Variants in MYH9 observed in about 807,000 individuals in gnomAD.
The protein encoded by MYH9 is myosin heavy chain 9, also known as myosin-9.
In MYH9, 29 loss-of-function variants were observed where a neutral mutation model predicts 241.9. The ratio of observed to expected loss-of-function variants is 0.12; its 90% confidence interval spans 0.09 to 0.16. MYH9 has a LOEUF of 0.16. Among genes scored for constraint, MYH9 ranks in the 10% least tolerant of loss-of-function variants. MYH9 has a pLI of 1.00. For synonymous variants in MYH9, 1,047 were observed against 1,062.6 expected (o/e 0.99, Z 0.29); for missense variants, 1,803 against 2,595.5 (o/e 0.69, Z 6.63).
intron 2 of MYH9, among the ~76,000 whole-genome samples, chr22:36,347,972 C>G (rs552532163): frequency 6.7e-6 from 1 of 150,106 alleles, no homozygotes; most frequent in Non-Finnish European, 1.5e-5. Flanking sequence ...GTGCAAAAAG[C>G]TTATTGGAAA....
chr22:36,284,351 C>T (rs1452158576), intron 39 of MYH9, 52 bp downstream of exon 39: 13 of 1,606,796 alleles, frequency 8.1e-6, no homozygotes, highest in Non-Finnish European at 1.1e-5. Flanking sequence ...CCTGTCACCC[C>T]ATCTGCTGCC....
At chr22:36,384,639 T>A (rs1466726348) in intron 1 of MYH9, among the ~76,000 whole-genome samples, 1 of 95,188 alleles carries the variant, frequency 1.1e-5, no homozygotes, top group Non-Finnish European at 2.0e-5. Context: ...TATATATATA[T>A]ATATATATAT....
At chr22:36,297,047 G>C (rs1379288191) in intron 24 of MYH9, 33 bp from the exon 25 acceptor site, 18 of 1,610,200 alleles carry the variant, frequency 1.1e-5, no homozygotes, top group African/African-American at 2.7e-5. Context: ...ATAGCCCTCA[G>C]TGCCATGGGT....
intron 1 of MYH9, among the ~76,000 whole-genome samples, chr22:36,353,120 T>C (rs1302726246): frequency 6.4e-5 from 7 of 110,236 alleles, no homozygotes; most frequent in Non-Finnish European, 8.9e-5. Flanking sequence ...TGTGTGTGTG[T>C]GTGTGTGTGT....
chr22:36,305,787 A>C lies in MYH9; in HGVS notation c.2159+143T>G. ...GGTGGAAAAGAGAAGGAGGTGGGGAAGAGCTGGCCAGACTCAGTTCTACAT... is the reference window on the plus strand; with the variant it reads ...GGTGGAAAAGAGAAGGAGGTGGGGACGAGCTGGCCAGACTCAGTTCTACAT... On this transcript the variant is annotated intron_variant, in intron 17 of 40. Coordinates refer to ENST00000216181, the MANE Select transcript of MYH9 (RefSeq NM_002473.6). The surrounding 1 kb of genome is among the most constrained non-coding windows in gnomAD (Gnocchi z 4.7). The C allele has an allele frequency of 2.6e-6, 3 of 1,172,036 alleles. No individual in the cohort carries two copies. The highest frequency in any genetic ancestry group is 1.7e-5 in the Admixed American group (1 of 57,788). 72.6% of individuals were successfully genotyped at this position (1,172,036 alleles called of 1,614,324 possible). A position where few individuals can be genotyped will look rare whatever the true frequency, so the allele number is the denominator to read the frequency against.
At chr22:36,367,286 C>T (rs528657600) in intron 1 of MYH9, among the ~76,000 whole-genome samples, 2 of 152,228 alleles carry the variant, frequency 1.3e-5, no homozygotes, top group East Asian at 1.9e-4. Flanking sequence ...GGAGGGAGGC[C>T]GATTCTCCTG....
chr22:36,342,608 C>G (rs952793396), intron 2 of MYH9, among the ~76,000 whole-genome samples: 2 of 151,792 alleles, frequency 1.3e-5, no homozygotes, highest in African/African-American at 4.8e-5. Context: ...GTTACTTTTT[C>G]TCCCAAGATC....
chr22:36,319,245 A>G (rs992149399), intron 10 of MYH9, among the ~76,000 whole-genome samples: 18 of 152,182 alleles, frequency 1.2e-4, no homozygotes, highest in Non-Finnish European at 8.8e-5. Context: ...GGCTCCCATT[A>G]AGGAGGAGCT....
Position 36,320,852 on chromosome 22 carries a change from G to C in MYH9, c.814C>G (p.Arg272Gly), listed in dbSNP as rs777079976. 1 of 1,614,068 alleles carries C rather than the reference G, an allele frequency of 6.2e-7. No individual in the cohort carries two copies. Among genetic ancestry groups the C allele is most frequent in the South Asian group, 1.1e-5 (1 of 91,076 alleles). ...AGATAATAGAAGATGTGGAAGGTCC[G>C]TTCTTCCTTGGCTTGGCGGATAGCA... ...SRAIRQAKEE[R>G]TFHIFYYLLS... Residue 272 changes from arginine (R) to glycine (G), a missense_variant, in exon 8 of 41, where the codon CGG becomes GGG. Physicochemically the swap from Arg to Gly is moderately radical, Grantham distance 125. Around this residue, in one of 11 missense-constraint regions of MYH9, gnomAD observed 222 missense variants for 359.9 expected, o/e 0.62. Transcript: ENST00000216181. This position sits in a 1 kb window ranked among gnomAD's most constrained non-coding sequence, Gnocchi z 4.8.
At chr22:36,379,436 G>A (rs1603484686) in intron 1 of MYH9, among the ~76,000 whole-genome samples, 3 of 152,212 alleles carry the variant, frequency 2.0e-5, no homozygotes, top group South Asian at 2.1e-4. Context: ...GTGAACCCGG[G>A]AGGTGGAGCG....
chr22:36,384,604 AAAAAAAAATATATATATATATATATATAT>A (rs2018313147), intron 1 of MYH9, among the ~76,000 whole-genome samples: 2 of 40,390 alleles, frequency 5.0e-5, no homozygotes, highest in African/African-American at 7.7e-5. Flanking sequence ...AAAAAAAAAA[AAAAAAAAATATATATATATATATATATAT>A]ATATATATAT....
intron 4 of MYH9, 140 bp downstream of exon 4, chr22:36,327,321 T>G: frequency 1.1e-6 from 1 of 927,254 alleles, no homozygotes; most frequent in Non-Finnish European, 1.7e-6. Context: ...TGAAGTCCTA[T>G]CCCTTGGAGA....
intron 3 of MYH9, among the ~76,000 whole-genome samples, chr22:36,331,230 T>C (rs1048115309): frequency 6.6e-6 from 1 of 152,044 alleles, no homozygotes; most frequent in Admixed American, 6.6e-5. Flanking sequence ...GGAAATGGTG[T>C]TCCTGTCGTA....
chr22:36,371,576 C>T (rs1300307301), intron 1 of MYH9, among the ~76,000 whole-genome samples: 1 of 152,124 alleles, frequency 6.6e-6, no homozygotes, highest in Non-Finnish European at 1.5e-5. Flanking sequence ...ACTCTTGTTG[C>T]CCAGGCTGGA....
intron 1 of MYH9, among the ~76,000 whole-genome samples, chr22:36,361,215 G>A (rs2017931343): frequency 6.6e-6 from 1 of 152,204 alleles, no homozygotes; most frequent in Admixed American, 6.5e-5. Flanking sequence ...AGAAGAAGCT[G>A]GAACTTGTTT....
Position 36,341,292 on chromosome 22 carries a change from G to A in MYH9, c.490+78C>T, listed in dbSNP as rs1483514925. On this transcript the variant is annotated intron_variant, in intron 3 of 40. Transcript: ENST00000216181. ...ACTAGATCAATGTGGCACCAAATGTGACTTAGCACCTGCAAAGGTGTCAAT... is the reference window on the plus strand; with the variant it reads ...ACTAGATCAATGTGGCACCAAATGTAACTTAGCACCTGCAAAGGTGTCAAT... The A allele has an allele frequency of 3.8e-6, 6 of 1,574,974 alleles. No individual in the cohort carries two copies. In the African/African-American group the frequency reaches 8.1e-5, roughly 21 times the overall value.
intron 1 of MYH9, among the ~76,000 whole-genome samples, chr22:36,368,334 C>T (rs1241158188): frequency 6.6e-6 from 1 of 152,174 alleles, no homozygotes; most frequent in African/African-American, 2.4e-5. Context: ...GGCCAGAAGG[C>T]TTACTTGCTG....
intron 27 of MYH9, 70 bp from the exon 28 acceptor site, chr22:36,294,368 G>A (rs2016756637): frequency 6.6e-7 from 1 of 1,521,172 alleles, no homozygotes; most frequent in African/African-American, 1.4e-5. Flanking sequence ...TATCATCACT[G>A]GACCCTAGAT....
chr22:36,355,251 G>A (rs1259205275), intron 1 of MYH9, among the ~76,000 whole-genome samples: 2 of 152,094 alleles, frequency 1.3e-5, no homozygotes, highest in Non-Finnish European at 2.9e-5. Context: ...AGGACTCTCA[G>A]GAAATGATGA....
Sources: allele counts gnomAD v4.1 joint callset (sites outside exome capture counted in the v4.1 genomes callset), GRCh38; gene constraint gnomAD v4.1.1; regional missense constraint gnomAD v4.1.1; non-coding constraint Gnocchi (gnomAD v3.1); transcripts MANE v1.5; gene names NCBI Gene and HGNC (gene_info 2026-07-23, HGNC 2026-07-21).